The following KANSL1 variants were observed in gnomAD, a reference collection of about 807,000 sequenced individuals.
KANSL1 encodes MLL1/MLL complex subunit KANSL1.
Under a neutral mutation model 103.6 loss-of-function variants are expected in KANSL1, and 22 were observed. The ratio of observed to expected loss-of-function variants is 0.21; its 90% CI spans 0.15 to 0.30. KANSL1 has a LOEUF of 0.30. Among genes scored for constraint, KANSL1 ranks in the 10% least tolerant of loss-of-function variants. The pLI is 1.00. For synonymous variants in KANSL1, 600 were observed against 527.6 expected (o/e 1.14, Z -1.88); for missense variants, 1,337 against 1,399.8 (o/e 0.96, Z 0.72).
chr17:46,038,629 G>C lies in KANSL1; in HGVS notation c.2450C>G (p.Pro817Arg), dbSNP rs200086055. 18 of 1,614,142 alleles carry C rather than the reference G, an allele frequency of 1.1e-5. No homozygotes were observed. The highest frequency in any genetic ancestry group is 1.4e-5 in the Non-Finnish European group (17 of 1,180,028). The change falls in exon 10 of 15, where the codon CCT becomes CGT. Residue 817 changes from proline to arginine, a missense_variant. By Grantham distance (103) the Pro-to-Arg change is moderately radical. Coordinates refer to ENST00000432791, the MANE Select transcript of KANSL1 (RefSeq NM_015443.4). Reference sequence around the variant, plus strand: ...CTGTCGCACCAAGGGACTGTGTGGAGGATGGTGGGTGGCTGCCAAGTAGCT... The same window carrying C: ...CTGTCGCACCAAGGGACTGTGTGGACGATGGTGGGTGGCTGCCAAGTAGCT... ...SSSYLAATHHPPHSPLVRQLS... is the reference protein window; with the variant it reads ...SSSYLAATHHRPHSPLVRQLS...
intron 1 of KANSL1, among the ~76,000 whole-genome samples, chr17:46,199,268 T>C (rs1484536444): frequency 6.6e-6 from 1 of 152,256 alleles, no homozygotes; most frequent in Non-Finnish European, 1.5e-5. Context: ...AATTCACCAG[T>C]GCTACTCAAT....
chr17:46,106,569 T>G (rs2042577608), intron 2 of KANSL1, among the ~76,000 whole-genome samples: 1 of 152,138 alleles, frequency 6.6e-6, no homozygotes, highest in Admixed American at 6.5e-5. Context: ...ATTTTTGTAT[T>G]TTTAGTAGAG....
chr17:46,153,463 C>T (rs1411772446), intron 2 of KANSL1, among the ~76,000 whole-genome samples: 1 of 152,178 alleles, frequency 6.6e-6, no homozygotes, highest in African/African-American at 2.4e-5. Context: ...GCCACAGAAA[C>T]ATATTCCCAA....
At chr17:46,122,860 T>C (rs1372361015) in intron 2 of KANSL1, among the ~76,000 whole-genome samples, 2 of 152,202 alleles carry the variant, frequency 1.3e-5, no homozygotes, top group East Asian at 1.9e-4. Context: ...CTGATAAAAA[T>C]GTGTGTTCTC....
At chr17:46,114,174 T>C (rs1302881098) in intron 2 of KANSL1, among the ~76,000 whole-genome samples, 1 of 152,020 alleles carries the variant, frequency 6.6e-6, no homozygotes, top group Non-Finnish European at 1.5e-5. Context: ...GCGTGGCCAA[T>C]ACGGTGAAAC....
chr17:46,062,288 G>A (rs992115110), intron 6 of KANSL1, among the ~76,000 whole-genome samples: 2 of 149,236 alleles, frequency 1.3e-5, no homozygotes, highest in African/African-American at 2.5e-5. Context: ...TATTCCCAAC[G>A]AGTTTAACTT....
At chr17:46,224,814 C>T (rs2048634434), upstream of KANSL1, 1 of 150,950 alleles carries the variant, frequency 6.6e-6, no homozygotes, top group South Asian at 2.1e-4. Flanking sequence ...CCCTCACCTC[C>T]CCGCAGTGGG....
intron 7 of KANSL1, chr17:46,043,133 C>T (rs766346075): frequency 7.2e-5 from 11 of 152,290 alleles, no homozygotes; most frequent in South Asian, 2.1e-4. Flanking sequence ...AGAAAGGAGA[C>T]GAGGTCACTT....
At chr17:46,202,890 A>G (rs2047848990) in intron 1 of KANSL1, among the ~76,000 whole-genome samples, 1 of 152,218 alleles carries the variant, frequency 6.6e-6, no homozygotes, top group South Asian at 2.1e-4. Context: ...CCAGCATCAG[A>G]AAAAATAAAA....
chr17:46,165,924 G>A (rs886362653), intron 2 of KANSL1, among the ~76,000 whole-genome samples: 1 of 152,108 alleles, frequency 6.6e-6, no homozygotes, highest in Non-Finnish European at 1.5e-5. Context: ...AAATTCCCCA[G>A]GAGGGGCTAG....
chr17:46,136,677 A>G (rs1241079878), intron 2 of KANSL1, among the ~76,000 whole-genome samples: 2 of 152,186 alleles, frequency 1.3e-5, no homozygotes, highest in African/African-American at 2.4e-5. Context: ...TTCCATGAAG[A>G]TTCAGGAAAA....
chr17:46,098,498 T>G (rs2042173988), intron 2 of KANSL1, among the ~76,000 whole-genome samples: 1 of 152,244 alleles, frequency 6.6e-6, no homozygotes, highest in African/African-American at 2.4e-5. Context: ...ACTTAAAACA[T>G]TTTAGTTCGC....
At chr17:46,126,236 G>GTTCGAGACCAGCC (rs1226453214) in intron 2 of KANSL1, among the ~76,000 whole-genome samples, 1 of 152,188 alleles carries the variant, frequency 6.6e-6, no homozygotes, top group Non-Finnish European at 1.5e-5. Context: ...GAGGTCAGGA[G>GTTCGAGACCAGCC]TTCGAGACCA....
At chr17:46,186,271 T>C (rs2047029834) in intron 1 of KANSL1, among the ~76,000 whole-genome samples, 1 of 150,942 alleles carries the variant, frequency 6.6e-6, no homozygotes, top group African/African-American at 2.4e-5. Context: ...TAGTTCCAGC[T>C]ACTCGGGAGG....
intron 3 of KANSL1, among the ~76,000 whole-genome samples, chr17:46,083,984 T>C (rs1598576887): frequency 1.3e-5 from 2 of 152,268 alleles, no homozygotes; most frequent in South Asian, 4.2e-4. Context: ...GGAATTTTAT[T>C]TCAGTTTTTA....
intron 7 of KANSL1, among the ~76,000 whole-genome samples, chr17:46,048,231 C>A (rs1047521503): frequency 6.6e-6 from 1 of 151,924 alleles, no homozygotes; most frequent in African/African-American, 2.4e-5. Context: ...TAACAGAAAG[C>A]AAATACACAA....
At chr17:46,156,187 G>C (rs751752943) in intron 2 of KANSL1, among the ~76,000 whole-genome samples, 4 of 152,030 alleles carry the variant, frequency 2.6e-5, no homozygotes, top group Non-Finnish European at 5.9e-5. Flanking sequence ...ATCTCTACTA[G>C]AAATACAAAA....
At chr17:46,104,956 C>T (rs552166419) in intron 2 of KANSL1, among the ~76,000 whole-genome samples, 31 of 152,282 alleles carry the variant, frequency 2.0e-4, no homozygotes, top group African/African-American at 5.3e-4. Context: ...GCTGGGATTA[C>T]AGGTGCCCGT....
chr17:46,111,375 AT>A (rs1490633660), intron 2 of KANSL1, among the ~76,000 whole-genome samples: 1 of 152,112 alleles, frequency 6.6e-6, no homozygotes, highest in Admixed American at 6.6e-5. Context: ...AGCCCAGCTA[AT>A]TTTTTGTATT....
Sources: allele counts gnomAD v4.1 joint callset (sites outside exome capture counted in the v4.1 genomes callset), GRCh38; gene constraint gnomAD v4.1.1; transcripts MANE v1.5; gene names NCBI Gene and HGNC (gene_info 2026-07-23, HGNC 2026-07-21).